The following SYNE2 variants were observed in gnomAD, a reference collection of about 807,000 sequenced individuals.
SYNE2 encodes the protein nesprin-2.
Under a neutral mutation model 856.3 loss-of-function variants are expected in SYNE2, and 431 were observed. The ratio of observed to expected loss-of-function variants is 0.50; its 90% CI spans 0.47 to 0.55. The LOEUF (loss-of-function observed/expected upper bound fraction) is 0.55. Ranked by LOEUF, SYNE2 falls within the 20% of genes least tolerant of loss-of-function variation. The pLI, the probability that SYNE2 is intolerant of heterozygous loss-of-function variation, is 0.00. For synonymous variants in SYNE2, 2,923 were observed against 2,872.3 expected, an observed-to-expected ratio of 1.02 and a Z score of -0.56; for missense variants, 8,129 against 8,023.2, an observed-to-expected ratio of 1.01 and a Z score of -0.50.
chr14:64,126,585 C>G lies in SYNE2; in HGVS notation c.13708-13C>G, dbSNP rs146315545. ...CAGAGCTCATTCATTGTCTTCCTTC[C>G]TCTCCACTCCAGACGCTGGCTCTTG... On this transcript the variant is annotated splice_polypyrimidine_tract_variant and intron_variant, in intron 72 of 115. Transcript: ENST00000555002. The G allele has an allele frequency of 2.5e-6, 4 of 1,614,222 alleles. No homozygotes were observed. Among genetic ancestry groups the G allele is most frequent in the Non-Finnish European group, 2.5e-6 (3 of 1,180,040 alleles).
chr14:63,971,204 C>T (rs1328026321), intron 11 of SYNE2, among the ~76,000 whole-genome samples: 4 of 151,644 alleles, frequency 2.6e-5, no homozygotes, highest in South Asian at 2.1e-4. Context: ...CTCTGCTTCC[C>T]GAGCTCAGTC....
intron 30 of SYNE2, among the ~76,000 whole-genome samples, chr14:64,004,102 G>A (rs1284837698): frequency 6.6e-6 from 1 of 151,806 alleles, no homozygotes; most frequent in African/African-American, 2.4e-5. Flanking sequence ...TTGGCTCACT[G>A]CAACCTCCGC....
chr14:63,871,206 AT>A (rs754457622), intron 1 of SYNE2, among the ~76,000 whole-genome samples: 359 of 141,382 alleles, frequency 2.5e-3, no homozygotes, highest in Middle Eastern at 7.2e-3. Flanking sequence ...GGAGATTTGA[AT>A]TTTTTTTTTT....
intron 1 of SYNE2, among the ~76,000 whole-genome samples, chr14:63,870,240 C>A (rs1394352115): frequency 6.6e-6 from 1 of 152,072 alleles, no homozygotes; most frequent in African/African-American, 2.4e-5. Context: ...ACTCTCCACC[C>A]ATAAAAGCCC....
intron 1 of SYNE2, among the ~76,000 whole-genome samples, chr14:63,842,706 G>A (rs572505542): frequency 7.3e-4 from 111 of 151,256 alleles, no homozygotes; most frequent in East Asian, 5.1e-3. Context: ...ATGACCCGCC[G>A]GCCTCGGCCT....
Position 64,122,352 on chromosome 14 carries a change from A to T in SYNE2, c.13347A>T (p.Gly4449=). ...DSILSPQGQN[G]DKWQYLHHEL... ...TCTTGTCACCCCAGGGCCAAAATGG[A>T]GATAAGTGGCAATATCTGCATCATG... Residue 4449 remains glycine (G), a synonymous_variant, in exon 70 of 116, where the codon GGA becomes GGT. Coordinates refer to ENST00000555002, the MANE Select transcript of SYNE2 (RefSeq NM_182914.3). 6.2e-7 allele frequency: 1 copy of T among 1,614,170 alleles called. No individual in the cohort carries two copies. Among genetic ancestry groups the T allele is most frequent in the Non-Finnish European group, 8.5e-7 (1 of 1,180,028 alleles).
intron 107 of SYNE2, chr14:64,215,657 C>T (rs913929433): frequency 3.9e-6 from 2 of 514,146 alleles, no homozygotes; most frequent in African/African-American, 3.8e-5. Context: ...AGTCCTTTGG[C>T]ATGGGCCAAG....
chr14:63,949,212 A>C (rs975389349), intron 6 of SYNE2, among the ~76,000 whole-genome samples: 1 of 152,298 alleles, frequency 6.6e-6, no homozygotes, highest in Non-Finnish European at 1.5e-5. Context: ...ATTTACTAGC[A>C]ATATAAGAAT....
In SYNE2 at chr14:64,016,625, G is replaced by T; in HGVS notation, c.4881G>T (p.Trp1627Cys). The T allele has an allele frequency of 6.3e-7, 1 of 1,589,244 alleles. No homozygotes were observed. The highest frequency in any genetic ancestry group is 8.6e-7 in the Non-Finnish European group (1 of 1,161,640). ...AGGCTAATATTATTGTGGATAGATG[G>T]CTTGATGTAAGTGATAATTTCATTG... is the stretch of plus-strand genomic sequence containing the variant. ...EKEANIIVDR[W>C]LDINEKTEDY... The change falls in exon 33 of 116, where the codon TGG (tryptophan) becomes TGT (cysteine). Residue 1627 changes from tryptophan to cysteine, a missense_variant. Around this residue, in one of 3 missense-constraint regions of SYNE2, gnomAD observed 2,422 missense variants for 2,357.4 expected, o/e 1.03. Transcript: ENST00000555002.
chr14:63,834,553 C>T (rs1197665791), intron 1 of SYNE2, among the ~76,000 whole-genome samples: 1 of 152,034 alleles, frequency 6.6e-6, no homozygotes, highest in East Asian at 1.9e-4. Flanking sequence ...GTCTCGAACT[C>T]CTGGCCTTAA....
intron 44 of SYNE2, 134 bp from the exon 45 acceptor site, chr14:64,030,882 T>C (rs1440558379): frequency 1.4e-6 from 1 of 713,720 alleles, no homozygotes; most frequent in Non-Finnish European, 2.4e-6. Flanking sequence ...TGCCAAAGTT[T>C]CTTCTATGTG....
In SYNE2 at chr14:64,141,372, C is replaced by T. The variant is rs377388363; in HGVS notation, c.15008C>T (p.Ser5003Phe). 14 of 1,613,834 alleles carry T rather than the reference C, an allele frequency of 8.7e-6. No individual in the cohort carries two copies. Among genetic ancestry groups the T allele is most frequent in the Non-Finnish European group, 1.1e-5 (13 of 1,179,964 alleles). The part of the protein sequence containing the change: ...EFSKEVDEKS[S>F]LKTAVISIGN... ...TCAAAAGAAGTTGATGAAAAATCCT[C>T]CTTGAAGACTGCCGTTATCAGTATC... Residue 5003 changes from serine (S) to phenylalanine (F), a missense_variant, in exon 81 of 116, where the codon TCC becomes TTC. Physicochemically the swap from Ser to Phe is radical, Grantham distance 155. Coordinates refer to ENST00000555002, the MANE Select transcript of SYNE2 (RefSeq NM_182914.3).
At chr14:64,093,088 C>A (rs1428539694) in intron 60 of SYNE2, among the ~76,000 whole-genome samples, 1 of 151,992 alleles carries the variant, frequency 6.6e-6, no homozygotes, top group African/African-American at 2.4e-5. Flanking sequence ...ACCAGAAATA[C>A]TTAAGAGCAA....
chr14:64,113,412 G>A lies in SYNE2; in HGVS notation c.12681G>A (p.Val4227=), dbSNP rs566325481. Residue 4227 remains valine, a synonymous_variant, in exon 66 of 116, where the codon GTG becomes GTA. Coordinates refer to ENST00000555002, the MANE Select transcript of SYNE2 (RefSeq NM_182914.3). ...SDAQGGLEPR[V]EKTRPEPTEV... ...CGCAAGGAGGTTTGGAGCCCAGGGTGGAGAAAACTAGGCCGGAGCCCACAG... is the reference window on the plus strand; with the variant it reads ...CGCAAGGAGGTTTGGAGCCCAGGGTAGAGAAAACTAGGCCGGAGCCCACAG... 3 of 1,614,186 alleles carry A rather than the reference G, an allele frequency of 1.9e-6. No individual in the cohort carries two copies. Among genetic ancestry groups the A allele is most frequent in the African/African-American group, 2.7e-5 (2 of 75,036 alleles).
rs140942102 is a variant in SYNE2, at chr14:64,195,645, G to A, written c.18038+5408G>A. 4.6e-4 allele frequency among the ~76,000 whole-genome samples: 70 copies of A among 152,352 alleles called. 2 individuals carry two copies. The East Asian group carries it at 0.012, about 27-fold the overall frequency. On this transcript the variant is annotated intron_variant, in intron 99 of 115. Transcript: ENST00000555002. The stretch of plus-strand genomic sequence containing the variant: ...ACCGTTAAACTCAGAAGTTACGACC[G>A]TGGCAGTTGTGTGTTAAGATTGTTT...
intron 1 of SYNE2, among the ~76,000 whole-genome samples, chr14:63,900,925 AG>A (rs1279572647): frequency 6.6e-6 from 1 of 152,250 alleles, no homozygotes; most frequent in Non-Finnish European, 1.5e-5. Flanking sequence ...CCACATTCCT[AG>A]GTGGACTATA....
chr14:64,015,863 A>G (rs537225153), intron 32 of SYNE2, among the ~76,000 whole-genome samples: 4 of 152,176 alleles, frequency 2.6e-5, no homozygotes, highest in South Asian at 2.1e-4. Context: ...TGACTGTGCT[A>G]TACAAGTTTT....
intron 11 of SYNE2, among the ~76,000 whole-genome samples, chr14:63,974,880 G>GTATA (rs1297032187): frequency 0.011 from 314 of 28,198 alleles, no homozygotes; most frequent in Middle Eastern, 0.083. Flanking sequence ...GTGTGTGTGT[G>GTATA]TGTGTGTGTG....
intron 66 of SYNE2, among the ~76,000 whole-genome samples, chr14:64,115,080 A>C (rs2097843843): frequency 6.6e-6 from 1 of 152,148 alleles, no homozygotes; most frequent in Non-Finnish European, 1.5e-5. Context: ...TTTGAGTCCC[A>C]CCCACTTAAG....
Sources: gnomAD v4.1 joint callset for allele counts (sites outside exome capture counted in the v4.1 genomes callset) on GRCh38, gnomAD v4.1.1 for gene constraint, gnomAD v4.1.1 regional missense constraint, MANE v1.5 for transcripts, NCBI Gene and HGNC (gene_info 2026-07-23, HGNC 2026-07-21) for gene names.